Variants in ARHGAP24 observed in about 807,000 individuals in gnomAD.
ARHGAP24 encodes rho GTPase-activating protein 24.
ARHGAP24 carries 50 observed loss-of-function variants against 76.4 expected under a neutral mutation model. That is an observed-to-expected ratio of 0.65 (90% CI 0.52 to 0.83). The LOEUF is 0.83. Ranked by LOEUF, ARHGAP24 falls within the 40% of genes least tolerant of loss-of-function variation. The probability of loss-of-function intolerance (pLI) is 0.00; values close to 1 mark genes in which losing one functional copy is unlikely to be tolerated. For synonymous variants in ARHGAP24, 345 were observed against 323.3 expected, an observed-to-expected ratio of 1.07 and a Z score of -0.72; for missense variants, 930 against 914.2, an observed-to-expected ratio of 1.02 and a Z score of -0.22.
intron 5 of ARHGAP24, 74 bp from the exon 6 acceptor site, chr4:85,971,962 G>A: frequency 6.2e-7 from 1 of 1,607,238 alleles, no homozygotes; most frequent in Non-Finnish European, 8.5e-7. Flanking sequence ...CTGACTCCTG[G>A]GCTCTTGAAA....
At chr4:85,586,861 G>T (rs1378419181) in intron 2 of ARHGAP24, among the ~76,000 whole-genome samples, 1 of 152,086 alleles carries the variant, frequency 6.6e-6, no homozygotes, top group African/African-American at 2.4e-5. Context: ...TTGCTCCACT[G>T]CACTCCAGCC....
At chr4:85,965,381 A>G (rs1738530230) in intron 5 of ARHGAP24, among the ~76,000 whole-genome samples, 4 of 152,134 alleles carry the variant, frequency 2.6e-5, no homozygotes. Flanking sequence ...ACACGTGGGA[A>G]TTATGAGAGC....
In ARHGAP24 at chr4:85,973,833, G is replaced by GTTTTTTTTTT. The variant is rs1199796194; in HGVS notation, c.733-1037_733-1028dup. Among the ~76,000 whole-genome samples the GTTTTTTTTTT allele has an allele frequency of 5.0e-3, 215 of 42,798 alleles. 67 individuals are homozygous for GTTTTTTTTTT. Among genetic ancestry groups the GTTTTTTTTTT allele is most frequent in the African/African-American group, 0.017 (162 of 9,512 alleles). 28.1% of individuals were successfully genotyped at this position (42,798 alleles called of 152,430 possible). On this transcript the variant is annotated intron_variant, in intron 6 of 9. Transcript: ENST00000395184. ...CTCATGTCAAAAACTGCTGCCTATT[G>GTTTTTTTTTT]TTTTTTTTTTTTTTTTTTTTTTTTT... is the stretch of plus-strand genomic sequence containing the variant.
intron 8 of ARHGAP24, among the ~76,000 whole-genome samples, chr4:85,982,305 G>A (rs999468926): frequency 6.6e-6 from 1 of 152,016 alleles, no homozygotes; most frequent in East Asian, 1.9e-4. Context: ...GATACCCAAT[G>A]AGAAAAGTAA....
intron 2 of ARHGAP24, among the ~76,000 whole-genome samples, chr4:85,595,860 C>T (rs1253016402): frequency 6.6e-6 from 1 of 151,946 alleles, no homozygotes; most frequent in Non-Finnish European, 1.5e-5. Flanking sequence ...TTTGATTGGT[C>T]ATACTATAGT....
At chr4:85,820,164 A>G (rs563271494) in intron 3 of ARHGAP24, among the ~76,000 whole-genome samples, 7 of 152,310 alleles carry the variant, frequency 4.6e-5, no homozygotes, top group Admixed American at 3.3e-4. Context: ...AAATTGTTCT[A>G]TTATAAAGAC....
chr4:85,544,090 A>T (rs374782960), intron 1 of ARHGAP24, among the ~76,000 whole-genome samples: 4 of 152,062 alleles, frequency 2.6e-5, no homozygotes, highest in African/African-American at 9.7e-5. Flanking sequence ...CTCTCATCTA[A>T]ATGATGACTT....
intron 2 of ARHGAP24, among the ~76,000 whole-genome samples, chr4:85,633,338 A>G (rs971894067): frequency 8.6e-5 from 13 of 151,906 alleles, no homozygotes; most frequent in Admixed American, 7.9e-4. Flanking sequence ...GAATGTTTAG[A>G]AAGTTACCCA....
At chr4:85,619,806 C>A (rs1720656618) in intron 2 of ARHGAP24, among the ~76,000 whole-genome samples, 1 of 151,598 alleles carries the variant, frequency 6.6e-6, no homozygotes, top group Non-Finnish European at 1.5e-5. Context: ...ATTTTGTATC[C>A]TGCAACTTAC....
intron 3 of ARHGAP24, among the ~76,000 whole-genome samples, chr4:85,756,332 C>G (rs1421482129): frequency 6.6e-6 from 1 of 152,144 alleles, no homozygotes; most frequent in African/African-American, 2.4e-5. Flanking sequence ...ATGATCCATG[C>G]CTAATTTACC....
At chr4:85,929,889 G>A (rs925795569) in intron 4 of ARHGAP24, among the ~76,000 whole-genome samples, 2 of 152,204 alleles carry the variant, frequency 1.3e-5, no homozygotes, top group Non-Finnish European at 2.9e-5. Context: ...ACCCCCTGGG[G>A]GTTGGTTTGG....
intron 5 of ARHGAP24, among the ~76,000 whole-genome samples, chr4:85,955,667 A>G (rs1037335518): frequency 1.2e-3 from 182 of 152,312 alleles, no homozygotes; most frequent in Non-Finnish European, 1.3e-3. Flanking sequence ...TAGCTAGACT[A>G]TCAGCTGCAG....
chr4:85,677,780 G>A (rs890530571), intron 2 of ARHGAP24, among the ~76,000 whole-genome samples: 4 of 152,250 alleles, frequency 2.6e-5, no homozygotes, highest in Admixed American at 6.5e-5. Flanking sequence ...CCATTTTGTA[G>A]GCTCTTGTTT....
chr4:85,501,182 C>T lies in ARHGAP24; in HGVS notation c.-21+25623C>T, dbSNP rs151277529. 9.1e-4 allele frequency among the ~76,000 whole-genome samples: 139 copies of T among 152,270 alleles called. 1 individual carries two copies. The highest frequency in any genetic ancestry group is 3.0e-3 in the African/African-American group (125 of 41,536). ...CTATTGTGAATAGTGCCACAATAAA[C>T]ATATGTGTGCATGTGTCTTTATAGT... On this transcript the variant is annotated intron_variant, in intron 1 of 9. Coordinates refer to ENST00000395184, the MANE Select transcript of ARHGAP24 (RefSeq NM_001025616.3).
intron 3 of ARHGAP24, among the ~76,000 whole-genome samples, chr4:85,810,096 C>T (rs1728947803): frequency 1.3e-5 from 2 of 152,166 alleles, no homozygotes; most frequent in Non-Finnish European, 2.9e-5. Context: ...GTCCTCAGAA[C>T]GTGATCAATG....
chr4:85,921,026 G>C (rs1331133287), intron 3 of ARHGAP24, among the ~76,000 whole-genome samples: 1 of 151,918 alleles, frequency 6.6e-6, no homozygotes, highest in Non-Finnish European at 1.5e-5. Context: ...CCCATTATTG[G>C]GTATATACCC....
intron 2 of ARHGAP24, among the ~76,000 whole-genome samples, chr4:85,575,174 C>T (rs369745104): frequency 9.9e-5 from 15 of 151,938 alleles, no homozygotes; most frequent in Admixed American, 3.9e-4. Context: ...AGGAGAAAAC[C>T]GTCTCCAGAA....
intron 3 of ARHGAP24, among the ~76,000 whole-genome samples, chr4:85,876,422 C>T (rs1444945739): frequency 2.6e-5 from 4 of 152,068 alleles, no homozygotes; most frequent in African/African-American, 4.8e-5. Context: ...TGCTATAACC[C>T]GTTACCGAGC....
rs145592746 is a variant in ARHGAP24, at chr4:85,951,348, GT to G, written c.599+9085del. 1.1e-4 allele frequency among the ~76,000 whole-genome samples: 17 copies of G among 148,754 alleles called. No homozygotes were observed. In the East Asian group the frequency reaches 2.2e-3, roughly 19 times the overall value. On this transcript the variant is annotated intron_variant, in intron 5 of 9. Transcript: ENST00000395184. ...CAAGCAGAGTGTTCTGCCCCTATGT[GT>G]TTTTTTTTTAGTTAATTGGCTGTTT...
Sources: allele counts gnomAD v4.1 joint callset (sites outside exome capture counted in the v4.1 genomes callset), GRCh38; gene constraint gnomAD v4.1.1; transcripts MANE v1.5; gene names NCBI Gene and HGNC (gene_info 2026-07-23, HGNC 2026-07-21).